The following PEBP4 variants were observed in gnomAD, a reference collection of about 807,000 sequenced individuals.
PEBP4 encodes the protein phosphatidylethanolamine-binding protein 4.
Under a neutral mutation model 23.9 loss-of-function variants are expected in PEBP4, and 22 were observed. The observed-to-expected ratio is 0.92, with a 90% CI of 0.66 to 1.31. PEBP4 has a LOEUF of 1.31. Ranked by LOEUF, PEBP4 falls within the 40% of genes most tolerant of loss-of-function variation. PEBP4 has a pLI of 0.00. For missense variants in PEBP4, 324 were observed against 281.7 expected (o/e 1.15, Z -1.07); for synonymous variants, 112 against 99.3 (o/e 1.13, Z -0.76).
chr8:22,754,778 C>G (rs889928516), intron 4 of PEBP4: 1 of 152,296 alleles, frequency 6.6e-6, no homozygotes, highest in Non-Finnish European at 1.5e-5. Flanking sequence ...CCCCACATCT[C>G]TCCCCTCCCT....
upstream of PEBP4, among the ~76,000 whole-genome samples, chr8:22,928,921 C>A (rs1454286782): frequency 6.6e-5 from 10 of 152,220 alleles, no homozygotes; most frequent in East Asian, 1.9e-3. Flanking sequence ...TCAATTCCTG[C>A]CTCCAGGATC....
intron 3 of PEBP4, among the ~76,000 whole-genome samples, chr8:22,851,686 C>G (rs116967973): frequency 6.6e-6 from 1 of 152,208 alleles, no homozygotes; most frequent in Non-Finnish European, 1.5e-5. Context: ...TTATCAGAAT[C>G]CCATTACCCA....
chr8:22,781,987 T>G (rs1295889116), intron 4 of PEBP4, among the ~76,000 whole-genome samples: 1 of 152,186 alleles, frequency 6.6e-6, no homozygotes, highest in African/African-American at 2.4e-5. Context: ...GTTCCCCCTC[T>G]TTAATCTCAG....
intron 3 of PEBP4, chr8:22,885,971 C>T (rs1301398396): frequency 6.6e-6 from 1 of 152,230 alleles, no homozygotes; most frequent in African/African-American, 2.4e-5. Flanking sequence ...GACAGGCTCA[C>T]TTCTCTCCTG....
intron 3 of PEBP4, among the ~76,000 whole-genome samples, chr8:22,840,815 T>A (rs1049295122): frequency 6.6e-6 from 1 of 152,194 alleles, no homozygotes; most frequent in African/African-American, 2.4e-5. Flanking sequence ...CTCTGCTGAG[T>A]ACTGTGGCCC....
chr8:22,817,599 C>A (rs1327726983), intron 4 of PEBP4, 38 bp downstream of exon 4: 2 of 1,571,964 alleles, frequency 1.3e-6, no homozygotes, highest in Non-Finnish European at 1.8e-6. Flanking sequence ...CCAGATACAA[C>A]CCCAAATGCG....
rs527333869 is a variant in PEBP4, at chr8:22,891,146, A to G, written c.258+29038T>C. 3.3e-5 allele frequency among the ~76,000 whole-genome samples: 5 copies of G among 152,268 alleles called. No individual in the cohort carries two copies. In the East Asian group the frequency reaches 9.7e-4, roughly 29 times the overall value. On this transcript the variant is annotated intron_variant, in intron 3 of 6. Transcript: ENST00000256404. ...CCCGGCCCTTCCCATCTTATTAAAT[A>G]GGATAACATATGCAGCATAATGACC... is the stretch of plus-strand genomic sequence containing the variant.
chr8:22,878,624 C>T (rs1808179649), intron 3 of PEBP4, among the ~76,000 whole-genome samples: 1 of 152,304 alleles, frequency 6.6e-6, no homozygotes, highest in Admixed American at 6.5e-5. Context: ...CTCTGGCCTC[C>T]TTCCTCTGGG....
intron 2 of PEBP4, among the ~76,000 whole-genome samples, chr8:22,925,814 G>A (rs566227633): frequency 2.6e-5 from 4 of 152,264 alleles, no homozygotes; most frequent in South Asian, 2.1e-4. Flanking sequence ...TCCTGGTTAC[G>A]GGGGTGTTGA....
At chr8:22,874,369 G>T (rs1462219625) in intron 3 of PEBP4, among the ~76,000 whole-genome samples, 4 of 152,182 alleles carry the variant, frequency 2.6e-5, no homozygotes, top group Non-Finnish European at 5.9e-5. Flanking sequence ...TAATACCCCT[G>T]CCTCCATGCA....
intron 3 of PEBP4, among the ~76,000 whole-genome samples, chr8:22,908,288 A>C (rs1432514490): frequency 6.6e-6 from 1 of 152,140 alleles, no homozygotes; most frequent in African/African-American, 2.4e-5. Flanking sequence ...ACAAGAAAGG[A>C]GAAAAGGAGA....
chr8:22,846,860 G>A (rs1368247466), intron 3 of PEBP4, among the ~76,000 whole-genome samples: 1 of 151,990 alleles, frequency 6.6e-6, no homozygotes, highest in East Asian at 1.9e-4. Context: ...TCATAAAGGT[G>A]ACATAACAAA....
Position 22,817,643 on chromosome 8 carries a change from ATC to A in PEBP4, c.349_350del (p.Asp117TyrfsTer73). 1 of 1,613,970 alleles carries A rather than the reference ATC, an allele frequency of 6.2e-7. No individual in the cohort carries two copies. The highest frequency in any genetic ancestry group is 1.6e-4 in the Middle Eastern group (1 of 6,062). On this transcript the variant is annotated frameshift_variant, in exon 4 of 7. Transcript: ENST00000256404. LOFTEE classifies it high-confidence loss of function. ...TGCCTCTTGGCCTGCTTACCTTGAT[ATC>A]TGTTACCAGCCAATGTCTCCAGAAT... The part of the protein sequence containing the change: ...QRFWRHWLVT[D>X]IKGADLKKGK...
chr8:22,894,829 C>T (rs1320263431), intron 3 of PEBP4, among the ~76,000 whole-genome samples: 3 of 152,116 alleles, frequency 2.0e-5, no homozygotes, highest in Non-Finnish European at 4.4e-5. Flanking sequence ...AATGGGGATG[C>T]TGAATTCATA....
rs1298610480 is a variant in PEBP4 at position 22,775,222 on chromosome 8, C to G, written c.357+42415G>C. ...CCTTCTCCATATCAACTGGCCCCTT[C>G]TACCCGAGAAAGCTGCCTCTCTCAG... On this transcript the variant is annotated intron_variant, in intron 4 of 6. Coordinates refer to ENST00000256404, the MANE Select transcript of PEBP4 (RefSeq NM_144962.3). This position sits in a 1 kb window ranked among gnomAD's most constrained non-coding sequence, Gnocchi z 4.8. 6.6e-6 allele frequency among the ~76,000 whole-genome samples: 1 copy of G among 152,234 alleles called. No individual in the cohort carries two copies. The highest frequency in any genetic ancestry group is 1.5e-5 in the Non-Finnish European group (1 of 68,048).
chr8:22,830,784 CT>C (rs1006871178), intron 3 of PEBP4, among the ~76,000 whole-genome samples: 10 of 152,178 alleles, frequency 6.6e-5, no homozygotes, highest in Admixed American at 3.9e-4. Context: ...CATTTCCCCC[CT>C]ATCACCACTA....
chr8:22,790,968 T>C (rs1231545966), intron 4 of PEBP4, among the ~76,000 whole-genome samples: 1 of 152,204 alleles, frequency 6.6e-6, no homozygotes, highest in East Asian at 1.9e-4. Context: ...GGGCTTAAGA[T>C]GCTGGAACAA....
At chr8:22,757,866 A>G (rs7005701) in intron 4 of PEBP4, 134,290 of 152,284 alleles carry the variant, frequency 0.88, 59,951 homozygotes, top group East Asian at 1. Context: ...CTACCCGGCC[A>G]CCTGCAGCCC....
intron 3 of PEBP4, among the ~76,000 whole-genome samples, chr8:22,915,488 T>A (rs572208225): frequency 2.7e-5 from 4 of 149,998 alleles, no homozygotes; most frequent in Non-Finnish European, 4.5e-5. Context: ...TGTGTCCCCA[T>A]GCTTGCCCGC....
Sources: gnomAD v4.1 joint callset for allele counts (sites outside exome capture counted in the v4.1 genomes callset) on GRCh38, gnomAD v4.1.1 for gene constraint, Gnocchi (gnomAD v3.1) non-coding constraint, MANE v1.5 for transcripts, NCBI Gene and HGNC (gene_info 2026-07-23, HGNC 2026-07-21) for gene names.